The following PLCB4 variants were observed in gnomAD, a reference collection of about 807,000 sequenced individuals.
PLCB4 encodes the protein 1-phosphatidylinositol 4,5-bisphosphate phosphodiesterase beta-4.
PLCB4 carries 77 observed loss-of-function variants against 178.8 expected under a neutral mutation model. The ratio of observed to expected loss-of-function variants is 0.43; its 90% confidence interval spans 0.36 to 0.52. PLCB4 has a LOEUF of 0.52. Among genes scored for constraint, PLCB4 ranks in the 20% least tolerant of loss-of-function variants. The pLI, the probability that PLCB4 is intolerant of heterozygous loss-of-function variation, is 0.00. For synonymous variants in PLCB4, 496 were observed against 490.8 expected (o/e 1.01, Z -0.14); for missense variants, 1,024 against 1,453.4 (o/e 0.70, Z 4.80).
chr20:9,106,407 T>C (rs2091364369), intron 2 of PLCB4, among the ~76,000 whole-genome samples: 2 of 151,924 alleles, frequency 1.3e-5, no homozygotes, highest in Admixed American at 6.6e-5. Context: ...TAGTTTTTTT[T>C]CAAACTGCAC....
rs199578084 is a variant in PLCB4 at position 9,444,178 on chromosome 20, G to C, written c.2815G>C (p.Ala939Pro). 1 of 1,596,816 alleles carries C rather than the reference G, an allele frequency of 6.3e-7. No homozygotes were observed. The highest frequency in any genetic ancestry group is 8.6e-7 in the Non-Finnish European group (1 of 1,166,942). ...VRIEDLKQMKAYLKHLKKQQK... is the reference protein window; with the variant it reads ...VRIEDLKQMKPYLKHLKKQQK... ...TTTTGATTCTATTTTTCTCCCAAAG[G>C]CTTACTTGAAGCATTTAAAGAAACA... Residue 939 changes from alanine to proline, a missense_variant and splice_region_variant, in exon 32 of 40, where the codon GCT (alanine) becomes CCT (proline). Coordinates refer to ENST00000378473, the MANE Select transcript of PLCB4 (RefSeq NM_001377142.1).
chr20:9,077,367 G>C (rs2089921813), intron 1 of PLCB4, among the ~76,000 whole-genome samples: 1 of 152,150 alleles, frequency 6.6e-6, no homozygotes, highest in Admixed American at 6.5e-5. Context: ...ACAGAGCACT[G>C]ATGAATTGCC....
At chr20:9,401,298 C>T (rs1312132337) in intron 19 of PLCB4, among the ~76,000 whole-genome samples, 192 bp from the exon 20 acceptor site, 1 of 152,176 alleles carries the variant, frequency 6.6e-6, no homozygotes, top group African/African-American at 2.4e-5. Context: ...ACAAGATGTG[C>T]TCCTTGACGT....
At chr20:9,260,547 A>G (rs932883217) in intron 3 of PLCB4, among the ~76,000 whole-genome samples, 6 of 152,126 alleles carry the variant, frequency 3.9e-5, no homozygotes, top group African/African-American at 1.4e-4. Context: ...TTTTAAAAGC[A>G]TGTATGTTTA....
At position 9,071,321 on chromosome 20, in the gene PLCB4, T is replaced by C. The variant is rs576519518; in HGVS notation, c.-135+2115T>C. 5.3e-5 allele frequency among the ~76,000 whole-genome samples: 8 copies of C among 152,330 alleles called. No individual in the cohort carries two copies. In the East Asian group the frequency reaches 1.5e-3, roughly 29 times the overall value. On this transcript the variant is annotated intron_variant, in intron 1 of 39. Coordinates refer to ENST00000378473, the MANE Select transcript of PLCB4 (RefSeq NM_001377142.1). ...ACTTTGGCAACATGGGACAGTTATA[T>C]TTGGCAATTTCAGTAAACATGGTAT...
chr20:9,388,734 C>T (rs2037890403), intron 15 of PLCB4, among the ~76,000 whole-genome samples: 1 of 152,128 alleles, frequency 6.6e-6, no homozygotes, highest in Non-Finnish European at 1.5e-5. Context: ...CATACACACA[C>T]ACGCAGATGT....
At chr20:9,319,292 C>G (rs549877334) in intron 4 of PLCB4, among the ~76,000 whole-genome samples, 80 of 152,212 alleles carry the variant, frequency 5.3e-4, no homozygotes, top group African/African-American at 1.9e-3. Flanking sequence ...TTCTTTAAAC[C>G]TGTGCAATTT....
intron 2 of PLCB4, among the ~76,000 whole-genome samples, chr20:9,204,662 C>T (rs142337576): frequency 4.7e-3 from 711 of 152,146 alleles, no homozygotes; most frequent in Non-Finnish European, 7.1e-3. Flanking sequence ...CGCGCCCGGC[C>T]GCTCTAAGAC....
intron 2 of PLCB4, among the ~76,000 whole-genome samples, chr20:9,187,064 T>C (rs2093338587): frequency 6.6e-6 from 1 of 152,096 alleles, no homozygotes; most frequent in African/African-American, 2.4e-5. Context: ...AAACTTCACC[T>C]TCTGGGTTCA....
chr20:9,321,508 C>T (rs1244917774), intron 4 of PLCB4, among the ~76,000 whole-genome samples: 1 of 152,194 alleles, frequency 6.6e-6, no homozygotes, highest in African/African-American at 2.4e-5. Context: ...AAGTATTATA[C>T]TACTAAGTCT....
intron 2 of PLCB4, among the ~76,000 whole-genome samples, chr20:9,180,178 C>T (rs946765270): frequency 9.2e-5 from 14 of 152,132 alleles, no homozygotes; most frequent in Non-Finnish European, 1.6e-4. Flanking sequence ...TCCTAACAAT[C>T]TTGTGGCCCC....
intron 3 of PLCB4, among the ~76,000 whole-genome samples, chr20:9,305,520 T>C (rs571106700): frequency 6.6e-6 from 1 of 152,230 alleles, no homozygotes; most frequent in South Asian, 2.1e-4. Context: ...GGCTAATTTT[T>C]AAATATATTT....
At chr20:9,387,964 C>A (rs972207973) in intron 15 of PLCB4, among the ~76,000 whole-genome samples, 8 of 152,320 alleles carry the variant, frequency 5.3e-5, no homozygotes, top group East Asian at 1.9e-4. Context: ...AAAGGCCGGG[C>A]GTGGTGGCTC....
At chr20:9,413,147 C>G (rs906852980) in intron 25 of PLCB4, among the ~76,000 whole-genome samples, 8 of 152,202 alleles carry the variant, frequency 5.3e-5, no homozygotes, top group African/African-American at 1.9e-4. Flanking sequence ...TCTTACAGGA[C>G]CCGTCGGGCA....
At chr20:9,186,009 C>A (rs1288765728) in intron 2 of PLCB4, among the ~76,000 whole-genome samples, 1 of 152,190 alleles carries the variant, frequency 6.6e-6, no homozygotes, top group African/African-American at 2.4e-5. Context: ...TACTGCCTCT[C>A]TAGAATGTAA....
At chr20:9,097,981 A>G (rs1282139843) in intron 2 of PLCB4, among the ~76,000 whole-genome samples, 2 of 152,208 alleles carry the variant, frequency 1.3e-5, no homozygotes, top group Non-Finnish European at 1.5e-5. Flanking sequence ...AATAAACCCT[A>G]TGAGAGTATG....
At chr20:9,416,562 G>A (rs1201780412) in intron 25 of PLCB4, among the ~76,000 whole-genome samples, 1 of 152,154 alleles carries the variant, frequency 6.6e-6, no homozygotes, top group Non-Finnish European at 1.5e-5. Context: ...CGGAGATGCA[G>A]GCGTAGTATT....
intron 1 of PLCB4, among the ~76,000 whole-genome samples, chr20:9,075,114 T>G (rs2089785260): frequency 6.6e-6 from 1 of 152,150 alleles, no homozygotes; most frequent in Non-Finnish European, 1.5e-5. Flanking sequence ...CAGTTTATAC[T>G]TGGGGAAACT....
At chr20:9,271,170 G>C (rs144099860) in intron 3 of PLCB4, among the ~76,000 whole-genome samples, 1 of 152,236 alleles carries the variant, frequency 6.6e-6, no homozygotes, top group African/African-American at 2.4e-5. Context: ...TTTCTGAAGT[G>C]TTCTATGATT....
Sources: allele counts gnomAD v4.1 joint callset (sites outside exome capture counted in the v4.1 genomes callset), GRCh38; gene constraint gnomAD v4.1.1; transcripts MANE v1.5; gene names NCBI Gene and HGNC (gene_info 2026-07-23, HGNC 2026-07-21).